The following SEC24A variants were observed in gnomAD, a reference collection of about 807,000 sequenced individuals.
SEC24A encodes protein transport protein Sec24A.
A neutral mutation model predicts 129.4 loss-of-function variants in SEC24A; 93 were observed. The observed-to-expected ratio is 0.72, with a 90% CI of 0.61 to 0.85. SEC24A has a LOEUF of 0.85. SEC24A is among the 40% of genes least tolerant of loss of function. The probability of loss-of-function intolerance (pLI) is 0.00; values close to 1 mark genes in which losing one functional copy is unlikely to be tolerated. For synonymous variants in SEC24A, 460 were observed against 467.3 expected (o/e 0.98, Z 0.20); for missense variants, 1,264 against 1,307.4 (o/e 0.97, Z 0.51).
chr5:134,676,250 C>T (rs958847456), intron 7 of SEC24A, 125 bp downstream of exon 7: 70 of 595,400 alleles, frequency 1.2e-4, no homozygotes, highest in Admixed American at 2.5e-4. Flanking sequence ...AGTGATTTTC[C>T]TGCCTCAGCC....
In SEC24A at chr5:134,693,257, A is replaced by G. The variant is rs146257421; in HGVS notation, c.1780-470A>G. On this transcript the variant is annotated intron_variant, in intron 12 of 22. Coordinates refer to ENST00000398844, the MANE Select transcript of SEC24A (RefSeq NM_021982.3). ...AAGTATTTTTTTCCCCATTAACTCT[A>G]TTTGTACAACCTAACCTGTAAAGGT... The G allele has an allele frequency of 1.2e-3, 1,807 of 1,455,958 alleles. 12 individuals are homozygous for G. The Middle Eastern group carries it at 0.013, about 10-fold the overall frequency. The allele number at this position is 1,455,958 out of a possible 1,614,324, so 90.2% of individuals were successfully genotyped here. A position where few individuals can be genotyped will look rare whatever the true frequency, so the allele number is the denominator to read the frequency against.
intron 11 of SEC24A, among the ~76,000 whole-genome samples, chr5:134,689,476 A>G (rs1329547345): frequency 6.6e-6 from 1 of 152,136 alleles, no homozygotes; most frequent in African/African-American, 2.4e-5. Context: ...ATAAACGTAT[A>G]ATGGGGCCGA....
chr5:134,716,830 CTTTACAT>C, intron 19 of SEC24A, among the ~76,000 whole-genome samples: 1 of 147,594 alleles, frequency 6.8e-6, no homozygotes, highest in East Asian at 2.0e-4. Flanking sequence ...ATTTAAGATA[CTTTACAT>C]ATGTAAAAGA....
At chr5:134,707,353 GGA>G (rs1752195081) in intron 17 of SEC24A, among the ~76,000 whole-genome samples, 1 of 149,868 alleles carries the variant, frequency 6.7e-6, no homozygotes, top group African/African-American at 2.5e-5. Flanking sequence ...TTTTTGAGGT[GGA>G]GTCTCACTCT....
chr5:134,664,991 G>A (rs1750608500), intron 2 of SEC24A, among the ~76,000 whole-genome samples: 1 of 150,592 alleles, frequency 6.6e-6, no homozygotes, highest in Non-Finnish European at 1.5e-5. Context: ...GTAGAAACGG[G>A]GTTTCACCAT....
At chr5:134,705,092 T>TATATATATA (rs1561828092) in intron 16 of SEC24A, among the ~76,000 whole-genome samples, 8 of 106,200 alleles carry the variant, frequency 7.5e-5, no homozygotes, top group African/African-American at 2.9e-4. Context: ...ATATATATAT[T>TATATATATA]TTTTTTTTTT....
At chr5:134,703,240 G>A (rs1752055303) in intron 15 of SEC24A, among the ~76,000 whole-genome samples, 1 of 152,018 alleles carries the variant, frequency 6.6e-6, no homozygotes, top group South Asian at 2.1e-4. Flanking sequence ...AATTTTGATA[G>A]ATACTGCCAA....
intron 7 of SEC24A, among the ~76,000 whole-genome samples, chr5:134,677,439 G>A (rs1751103480): frequency 6.6e-6 from 1 of 151,074 alleles, no homozygotes; most frequent in African/African-American, 2.4e-5. Context: ...GATTTTTTTG[G>A]TGGTGATATA....
intron 1 of SEC24A, among the ~76,000 whole-genome samples, 164 bp from the exon 2 acceptor site, chr5:134,660,955 A>G (rs900015344): frequency 1.4e-4 from 22 of 152,186 alleles, no homozygotes; most frequent in Admixed American, 7.9e-4. Flanking sequence ...CTTATTAGCT[A>G]TCTTCTTTGG....
intron 1 of SEC24A, 29 bp downstream of exon 1, chr5:134,649,202 C>G (rs1193955741): frequency 6.5e-7 from 1 of 1,532,268 alleles, no homozygotes; most frequent in South Asian, 1.2e-5. Context: ...GAGGGCGCAG[C>G]CTGGCCAGGG....
intron 20 of SEC24A, among the ~76,000 whole-genome samples, chr5:134,718,543 G>A (rs1752543270): frequency 6.6e-6 from 1 of 152,102 alleles, no homozygotes; most frequent in South Asian, 2.1e-4. Flanking sequence ...ACTGCCCCTG[G>A]AGACCTTCTA....
chr5:134,691,298 A>T (rs553948037), intron 11 of SEC24A, among the ~76,000 whole-genome samples: 3 of 150,066 alleles, frequency 2.0e-5, no homozygotes, highest in African/African-American at 7.4e-5. Flanking sequence ...CAGCCTCCCG[A>T]GTAGTTGGGC....
intron 17 of SEC24A, among the ~76,000 whole-genome samples, chr5:134,708,440 G>A (rs1468007363): frequency 6.6e-6 from 1 of 152,164 alleles, no homozygotes; most frequent in Non-Finnish European, 1.5e-5. Flanking sequence ...ATAAAGTGTT[G>A]GATTACAATC....
chr5:134,688,041 G>A lies in SEC24A; in HGVS notation c.1605-140G>A, dbSNP rs1751508324. ...AGATATGTTTTCATGGTAAACGTTG[G>A]GTGGTTTAAACATTTGTTTGTGTTG... On this transcript the variant is annotated intron_variant, in intron 10 of 22. Coordinates refer to ENST00000398844, the MANE Select transcript of SEC24A (RefSeq NM_021982.3). 3 of 672,332 alleles carry A rather than the reference G, an allele frequency of 4.5e-6. No homozygotes were observed. In the African/African-American group the frequency reaches 5.5e-5, roughly 12 times the overall value. 41.6% of individuals were successfully genotyped at this position (672,332 alleles called of 1,614,324 possible).
At chr5:134,683,755 G>T (rs1246122268) in intron 9 of SEC24A, among the ~76,000 whole-genome samples, 1 of 152,130 alleles carries the variant, frequency 6.6e-6, no homozygotes, top group Admixed American at 6.6e-5. Context: ...TGTTTAATTA[G>T]CACTTTACAT....
intron 9 of SEC24A, among the ~76,000 whole-genome samples, chr5:134,685,136 G>T (rs773008690): frequency 6.6e-6 from 1 of 152,038 alleles, no homozygotes; most frequent in East Asian, 1.9e-4. Context: ...TTGGGAAGCC[G>T]ATGCAGGAGG....
At chr5:134,654,664 C>G (rs1204502962) in intron 1 of SEC24A, among the ~76,000 whole-genome samples, 1 of 152,082 alleles carries the variant, frequency 6.6e-6, no homozygotes, top group Non-Finnish European at 1.5e-5. Flanking sequence ...TTAATTAGTG[C>G]CTTTATTGAC....
chr5:134,661,323 A>G lies in SEC24A; in HGVS notation c.302A>G (p.His101Arg). The G allele has an allele frequency of 6.2e-7, 1 of 1,614,190 alleles. No homozygotes were observed. Among genetic ancestry groups the G allele is most frequent in the Non-Finnish European group, 8.5e-7 (1 of 1,180,042 alleles). Residue 101 changes from histidine (H) to arginine (R), a missense_variant, in exon 2 of 23, where the codon CAT (histidine) becomes CGT (arginine). Physicochemically the swap from His to Arg is conservative, Grantham distance 29. Coordinates refer to ENST00000398844, the MANE Select transcript of SEC24A (RefSeq NM_021982.3). Reference protein sequence around the residue: ...VASNPVTPSLHSGPAPRMPLP... With the variant: ...VASNPVTPSLRSGPAPRMPLP... ...TCTAATCCAGTGACACCTTCGCTTCATAGTGGTCCTGCTCCCCGAATGCCA... is the reference window on the plus strand; with the variant it reads ...TCTAATCCAGTGACACCTTCGCTTCGTAGTGGTCCTGCTCCCCGAATGCCA...
At chr5:134,652,998 C>T (rs1394678791) in intron 1 of SEC24A, among the ~76,000 whole-genome samples, 13 of 149,906 alleles carry the variant, frequency 8.7e-5, no homozygotes, top group Admixed American at 2.0e-4. Flanking sequence ...GTAGAGACAG[C>T]GTTTCACCAT....
Sources: allele counts gnomAD v4.1 joint callset (sites outside exome capture counted in the v4.1 genomes callset), GRCh38; gene constraint gnomAD v4.1.1; transcripts MANE v1.5; gene names NCBI Gene and HGNC (gene_info 2026-07-23, HGNC 2026-07-21).